Variants in ULK4 observed in about 807,000 individuals in gnomAD.
The protein encoded by ULK4 is unc-51 like kinase 4.
In ULK4, 133 loss-of-function variants were observed where a neutral mutation model predicts 160.6. That is an observed-to-expected ratio of 0.83 (90% CI 0.72 to 0.96). The LOEUF (loss-of-function observed/expected upper bound fraction) is 0.96, where lower values mean the gene tolerates loss of function less well. Ranked by LOEUF, ULK4 falls within the 40% of genes least tolerant of loss-of-function variation. ULK4 has a pLI of 0.00. For synonymous variants in ULK4, 534 were observed against 539.8 expected, an observed-to-expected ratio of 0.99 and a Z score of 0.15; for missense variants, 1,580 against 1,499.5, an observed-to-expected ratio of 1.05 and a Z score of -0.89.
At chr3:41,693,478 G>C (rs999993176) in intron 27 of ULK4, among the ~76,000 whole-genome samples, 2 of 152,134 alleles carry the variant, frequency 1.3e-5, no homozygotes, top group Non-Finnish European at 2.9e-5. Context: ...TCTTAATAAA[G>C]AGTGAGAAAA....
chr3:41,760,204 T>G (rs1225969411), intron 21 of ULK4, among the ~76,000 whole-genome samples: 1 of 152,148 alleles, frequency 6.6e-6, no homozygotes, highest in Non-Finnish European at 1.5e-5. Context: ...ATCATTATAG[T>G]AGTGCAAATT....
chr3:41,247,126 A>T, intron 36 of ULK4, 134 bp from the exon 37 acceptor site: 2 of 871,180 alleles, frequency 2.3e-6, no homozygotes, highest in South Asian at 3.2e-5. Context: ...GGGAAGCAGA[A>T]GCAGGAAATC....
chr3:41,455,469 C>G, intron 34 of ULK4, 28 bp downstream of exon 34: 1 of 1,593,124 alleles, frequency 6.3e-7, no homozygotes, highest in Non-Finnish European at 8.6e-7. Context: ...TCAGTAATGC[C>G]CCAAAAGACA....
At chr3:41,491,405 T>C (rs2084758551) in intron 32 of ULK4, among the ~76,000 whole-genome samples, 1 of 152,092 alleles carries the variant, frequency 6.6e-6, no homozygotes, top group African/African-American at 2.4e-5. Flanking sequence ...TATCTAAATA[T>C]GTAACAATAC....
chr3:41,295,113 G>C (rs1416155643), intron 35 of ULK4, among the ~76,000 whole-genome samples: 1 of 152,204 alleles, frequency 6.6e-6, no homozygotes, highest in African/African-American at 2.4e-5. Flanking sequence ...CAGATCAACG[G>C]AATAGAATAG....
At chr3:41,337,262 T>C (rs867431948) in intron 35 of ULK4, among the ~76,000 whole-genome samples, 3 of 152,202 alleles carry the variant, frequency 2.0e-5, no homozygotes, top group Non-Finnish European at 4.4e-5. Flanking sequence ...AAATAAGAAG[T>C]TTGATAATTT....
rs11331714 is a variant in ULK4 at position 41,398,388 on chromosome 3, C to CTT, written c.3493-126_3493-125dup. On this transcript the variant is annotated intron_variant, in intron 34 of 36. Coordinates refer to ENST00000301831, the MANE Select transcript of ULK4 (RefSeq NM_017886.4). ...GAGTAGTCTGCTGAATACTTTTTTA[C>CTT]TTTTTTTTTTTTTGAGACAGGGTCC... 1,623 of 725,122 alleles carry CTT rather than the reference C, an allele frequency of 2.2e-3. 2 individuals are homozygous for CTT. Among genetic ancestry groups the CTT allele is most frequent in the East Asian group, 0.02 (606 of 30,338 alleles). 44.9% of individuals were successfully genotyped at this position (725,122 alleles called of 1,614,324 possible). A position where few individuals can be genotyped will look rare whatever the true frequency, so the allele number is the denominator to read the frequency against.
chr3:41,702,786 C>T (rs2036721452), intron 27 of ULK4, among the ~76,000 whole-genome samples: 1 of 150,664 alleles, frequency 6.6e-6, no homozygotes, highest in Non-Finnish European at 1.5e-5. Flanking sequence ...GATTTATACA[C>T]ATCTCTTTCA....
chr3:41,939,670 A>C (rs1299105261), intron 2 of ULK4, among the ~76,000 whole-genome samples: 1 of 152,062 alleles, frequency 6.6e-6, no homozygotes, highest in Non-Finnish European at 1.5e-5. Flanking sequence ...CCAAGGCAGG[A>C]GGACCACTTG....
At chr3:41,556,733 C>T (rs2087315717) in intron 32 of ULK4, among the ~76,000 whole-genome samples, 1 of 151,990 alleles carries the variant, frequency 6.6e-6, no homozygotes, top group African/African-American at 2.4e-5. Flanking sequence ...GTAATCCGCC[C>T]ACCTCAGCCT....
intron 32 of ULK4, among the ~76,000 whole-genome samples, chr3:41,509,674 C>T (rs2085504228): frequency 6.6e-6 from 1 of 152,136 alleles, no homozygotes; most frequent in Non-Finnish European, 1.5e-5. Context: ...CTATTTTTAG[C>T]CTCCTTTAAC....
chr3:41,755,552 C>T (rs912037354), intron 21 of ULK4, among the ~76,000 whole-genome samples: 3 of 152,106 alleles, frequency 2.0e-5, no homozygotes, highest in African/African-American at 7.2e-5. Context: ...AAATCCATCT[C>T]CCCAGAGTCC....
intron 27 of ULK4, among the ~76,000 whole-genome samples, chr3:41,704,017 T>C (rs1300641946): frequency 6.6e-6 from 1 of 152,194 alleles, no homozygotes; most frequent in African/African-American, 2.4e-5. Flanking sequence ...AATATCTAAG[T>C]ACAGTTTTTA....
chr3:41,337,374 C>T (rs867277496), intron 35 of ULK4, among the ~76,000 whole-genome samples: 4 of 152,112 alleles, frequency 2.6e-5, no homozygotes, highest in Admixed American at 1.3e-4. Context: ...GTCATTGTTG[C>T]TGTCTGGAAG....
At chr3:41,804,800 T>C (rs557782292) in intron 19 of ULK4, among the ~76,000 whole-genome samples, 10 of 152,148 alleles carry the variant, frequency 6.6e-5, no homozygotes, top group Non-Finnish European at 1.2e-4. Context: ...TGTAGATATG[T>C]GGCATTATTT....
chr3:41,277,451 C>G (rs1432389616), intron 35 of ULK4, among the ~76,000 whole-genome samples: 1 of 152,156 alleles, frequency 6.6e-6, no homozygotes, highest in East Asian at 1.9e-4. Flanking sequence ...TTAACATATG[C>G]AAGTCAATAA....
intron 31 of ULK4, among the ~76,000 whole-genome samples, chr3:41,596,053 C>T (rs933728706): frequency 2.6e-5 from 4 of 152,056 alleles, no homozygotes; most frequent in Non-Finnish European, 5.9e-5. Context: ...AAGTAGATGA[C>T]TTGGTTTGGC....
intron 32 of ULK4, among the ~76,000 whole-genome samples, chr3:41,558,276 C>T (rs1362116064): frequency 6.6e-6 from 1 of 152,054 alleles, no homozygotes; most frequent in African/African-American, 2.4e-5. Context: ...TAGGATGTTG[C>T]TGTGTAAAAG....
chr3:41,568,774 C>T (rs149965151), intron 31 of ULK4, among the ~76,000 whole-genome samples: 1 of 152,162 alleles, frequency 6.6e-6, no homozygotes, highest in South Asian at 2.1e-4. Context: ...ACAAGCTGAG[C>T]GTTCTCTACT....
Sources: allele counts gnomAD v4.1 joint callset (sites outside exome capture counted in the v4.1 genomes callset), GRCh38; gene constraint gnomAD v4.1.1; transcripts MANE v1.5; gene names NCBI Gene and HGNC (gene_info 2026-07-23, HGNC 2026-07-21).